Variants in DLG2 observed in about 807,000 individuals in gnomAD.
The protein encoded by DLG2 is disks large homolog 2.
Under a neutral mutation model 132.5 loss-of-function variants are expected in DLG2, and 45 were observed. That is an observed-to-expected ratio of 0.34 (90% CI 0.27 to 0.44). The LOEUF (loss-of-function observed/expected upper bound fraction) is 0.44. Among genes scored for constraint, DLG2 ranks in the 20% least tolerant of loss-of-function variants. The pLI, the probability that DLG2 is intolerant of heterozygous loss-of-function variation, is 1.00. For synonymous variants in DLG2, 424 were observed against 419.6 expected, an observed-to-expected ratio of 1.01 and a Z score of -0.13; for missense variants, 1,045 against 1,196.9, an observed-to-expected ratio of 0.87 and a Z score of 1.87.
rs113101487 is a variant in DLG2 at position 84,548,821 on chromosome 11, C to T, written c.358-14090G>A. ...CTTGACTCACATTTGAGTGTACCAACCTCAAATAAGCCCAATAAAATAGAT... is the reference window on the plus strand; with the variant it reads ...CTTGACTCACATTTGAGTGTACCAATCTCAAATAAGCCCAATAAAATAGAT... On this transcript the variant is annotated intron_variant, in intron 6 of 27. Coordinates refer to ENST00000376104, the MANE Select transcript of DLG2 (RefSeq NM_001142699.3). 2.5e-3 allele frequency among the ~76,000 whole-genome samples: 379 copies of T among 152,204 alleles called. 3 individuals are homozygous for T. Among genetic ancestry groups the T allele is most frequent in the African/African-American group, 8.9e-3 (370 of 41,540 alleles).
intron 8 of DLG2, among the ~76,000 whole-genome samples, chr11:84,206,450 A>G (rs974290091): frequency 2.0e-5 from 3 of 152,110 alleles, no homozygotes; most frequent in Non-Finnish European, 4.4e-5. Flanking sequence ...GAGAAAAGCA[A>G]AAGATCAATA....
At chr11:85,302,634 C>T (rs539220319) in intron 3 of DLG2, among the ~76,000 whole-genome samples, 59 of 145,424 alleles carry the variant, frequency 4.1e-4, no homozygotes, top group African/African-American at 1.5e-3. Context: ...TGGATACTCT[C>T]ACTTGAAAAG....
At chr11:85,481,244 A>G (rs1310223411) in intron 3 of DLG2, among the ~76,000 whole-genome samples, 1 of 152,200 alleles carries the variant, frequency 6.6e-6, no homozygotes, top group Non-Finnish European at 1.5e-5. Context: ...ATGGTATTTG[A>G]TCAGTACAGT....
intron 6 of DLG2, among the ~76,000 whole-genome samples, chr11:85,097,005 T>C (rs796853267): frequency 3.9e-5 from 6 of 152,190 alleles, no homozygotes; most frequent in African/African-American, 1.4e-4. Flanking sequence ...AACAAGTTGA[T>C]TGACCCTGCG....
chr11:84,067,556 CCACACA>C (rs35165434), intron 10 of DLG2, among the ~76,000 whole-genome samples: 5 of 148,820 alleles, frequency 3.4e-5, no homozygotes, highest in East Asian at 2.0e-4. Flanking sequence ...ACACCCCCCA[CCACACA>C]CACACACACA....
At chr11:84,011,305 A>AT (rs2094878272) in intron 11 of DLG2, among the ~76,000 whole-genome samples, 1 of 151,916 alleles carries the variant, frequency 6.6e-6, no homozygotes, top group Non-Finnish European at 1.5e-5. Flanking sequence ...CCCTGTCTCT[A>AT]TAAAAAAATA....
At chr11:83,637,167 G>T (rs1349886415) in intron 18 of DLG2, among the ~76,000 whole-genome samples, 3 of 152,140 alleles carry the variant, frequency 2.0e-5, no homozygotes, top group Non-Finnish European at 4.4e-5. Flanking sequence ...TCCTGAAATT[G>T]TATTTTTCAA....
intron 3 of DLG2, among the ~76,000 whole-genome samples, chr11:85,487,365 T>C (rs1451210018): frequency 1.3e-5 from 2 of 150,722 alleles, no homozygotes; most frequent in Middle Eastern, 3.2e-3. Context: ...AAAATACTGA[T>C]TTTAAAGATG....
intron 14 of DLG2, among the ~76,000 whole-genome samples, chr11:83,935,207 A>T (rs1160809135): frequency 6.6e-6 from 1 of 152,184 alleles, no homozygotes; most frequent in Non-Finnish European, 1.5e-5. Context: ...ATATTGCCAG[A>T]TATCATTTGA....
At chr11:84,640,330 G>A (rs966221398) in intron 6 of DLG2, 11 of 347,518 alleles carry the variant, frequency 3.2e-5, no homozygotes, top group East Asian at 2.6e-4. Context: ...GTTGACATCC[G>A]AAATTTCTTG....
chr11:84,225,610 A>G (rs1419955752), intron 8 of DLG2, among the ~76,000 whole-genome samples: 3 of 152,196 alleles, frequency 2.0e-5, no homozygotes, highest in Non-Finnish European at 4.4e-5. Flanking sequence ...GAATAAGAAC[A>G]GTGACAGGAC....
At chr11:84,568,451 G>A (rs1188643232) in intron 6 of DLG2, among the ~76,000 whole-genome samples, 1 of 152,210 alleles carries the variant, frequency 6.6e-6, no homozygotes, top group Non-Finnish European at 1.5e-5. Context: ...AGGTTGCAGT[G>A]AGCCAAGATC....
intron 3 of DLG2, among the ~76,000 whole-genome samples, chr11:85,490,720 A>G (rs1302251350): frequency 6.6e-6 from 1 of 152,082 alleles, no homozygotes; most frequent in Non-Finnish European, 1.5e-5. Flanking sequence ...ATAAATTTCT[A>G]AAATCATACA....
At chr11:83,532,188 C>A (rs2095766174) in intron 21 of DLG2, among the ~76,000 whole-genome samples, 2 of 152,130 alleles carry the variant, frequency 1.3e-5, no homozygotes, top group South Asian at 4.1e-4. Flanking sequence ...AAAACATGTA[C>A]ACATGTATAT....
chr11:84,344,347 AAG>A (rs1002618036), intron 7 of DLG2, among the ~76,000 whole-genome samples: 33 of 152,280 alleles, frequency 2.2e-4, no homozygotes, highest in African/African-American at 7.9e-4. Flanking sequence ...GGCTTTTGGA[AAG>A]GTTCAATAAA....
intron 6 of DLG2, chr11:84,923,057 G>A (rs1490145600): frequency 6.2e-7 from 1 of 1,613,882 alleles, no homozygotes; most frequent in Non-Finnish European, 8.5e-7. Flanking sequence ...GTGCCCAGTT[G>A]CCGGCTCGCC....
At position 83,886,727 on chromosome 11, in the gene DLG2, T is replaced by A. The variant is rs554677411; in HGVS notation, c.1497-12239A>T. ...AGCTCTCCTCAGCAAATGTAAAAGATCAGAAATTATAACAAACTGTCTCTC... is the reference window on the plus strand; with the variant it reads ...AGCTCTCCTCAGCAAATGTAAAAGAACAGAAATTATAACAAACTGTCTCTC... On this transcript the variant is annotated intron_variant, in intron 15 of 27. Coordinates refer to ENST00000376104, the MANE Select transcript of DLG2 (RefSeq NM_001142699.3). Among the ~76,000 whole-genome samples the A allele has an allele frequency of 3.6e-4, 55 of 152,026 alleles. 1 individual carries two copies. The highest frequency in any genetic ancestry group is 7.4e-5 in the Non-Finnish European group (5 of 67,964).
chr11:84,645,763 G>A (rs548501549), intron 6 of DLG2, among the ~76,000 whole-genome samples: 4 of 152,316 alleles, frequency 2.6e-5, no homozygotes, highest in African/African-American at 9.6e-5. Flanking sequence ...CACCGCGCCA[G>A]GCCCATAGTT....
chr11:83,519,449 C>T (rs2095407996), intron 21 of DLG2, among the ~76,000 whole-genome samples: 2 of 152,004 alleles, frequency 1.3e-5, no homozygotes, highest in Admixed American at 1.3e-4. Context: ...AAGGTATTTG[C>T]CCCTAATTTT....
Sources: gnomAD v4.1 joint callset for allele counts (sites outside exome capture counted in the v4.1 genomes callset) on GRCh38, gnomAD v4.1.1 for gene constraint, MANE v1.5 for transcripts, NCBI Gene and HGNC (gene_info 2026-07-23, HGNC 2026-07-21) for gene names.